Variants in PPM1H observed in about 807,000 individuals in gnomAD.
PPM1H encodes protein phosphatase, Mg2+/Mn2+ dependent 1H.
A neutral mutation model predicts 54.9 loss-of-function variants in PPM1H; 27 were observed. That is an observed-to-expected ratio of 0.49 (90% confidence interval 0.36 to 0.68). The LOEUF (loss-of-function observed/expected upper bound fraction) is 0.68. Ranked by LOEUF, PPM1H falls within the 30% of genes least tolerant of loss-of-function variation. PPM1H has a pLI of 0.00. For synonymous variants in PPM1H, 305 were observed against 270.8 expected, an observed-to-expected ratio of 1.13 and a Z score of -1.24; for missense variants, 596 against 667.8, an observed-to-expected ratio of 0.89 and a Z score of 1.19.
chr12:62,904,438 C>T (rs532400125), intron 1 of PPM1H, among the ~76,000 whole-genome samples: 14 of 152,178 alleles, frequency 9.2e-5, no homozygotes, highest in African/African-American at 2.9e-4. Flanking sequence ...TGGGCTTTCT[C>T]CATATTGCCC....
intron 1 of PPM1H, among the ~76,000 whole-genome samples, chr12:62,870,538 T>TTA (rs1869938614): frequency 6.6e-6 from 1 of 152,198 alleles, no homozygotes; most frequent in African/African-American, 2.4e-5. Context: ...ATTTGAAAGA[T>TTA]ACTAAAGAGA....
intron 8 of PPM1H, among the ~76,000 whole-genome samples, chr12:62,675,495 G>C (rs776453596): frequency 1.3e-5 from 2 of 152,178 alleles, no homozygotes. Flanking sequence ...GCAAAGATAA[G>C]CATCAGAAGA....
chr12:62,924,853 C>T (rs1019914050), intron 1 of PPM1H, among the ~76,000 whole-genome samples: 3 of 151,766 alleles, frequency 2.0e-5, no homozygotes, highest in Admixed American at 6.6e-5. Context: ...ACCAGCCTAG[C>T]CAACATGGCA....
chr12:62,888,833 A>G (rs113300380), intron 1 of PPM1H, among the ~76,000 whole-genome samples: 1 of 152,168 alleles, frequency 6.6e-6, no homozygotes, highest in East Asian at 1.9e-4. Flanking sequence ...CCATTTTACA[A>G]TTGAGAGGAT....
intron 4 of PPM1H, among the ~76,000 whole-genome samples, chr12:62,752,016 C>T (rs1257191716): frequency 6.6e-6 from 1 of 152,178 alleles, no homozygotes; most frequent in Non-Finnish European, 1.5e-5. Flanking sequence ...GCCCATCTCT[C>T]ATTCGTTGAA....
At position 62,933,124 on chromosome 12, in the gene PPM1H, A is replaced by G. The variant is rs376726276; in HGVS notation, c.245+1368T>C. 5.3e-5 allele frequency among the ~76,000 whole-genome samples: 8 copies of G among 152,042 alleles called. No homozygotes were observed. In the East Asian group the frequency reaches 1.4e-3, roughly 26 times the overall value. Reference sequence around the variant, plus strand: ...ACGTTCTCTTCCGTGCTCATCTTTTATGATGTGTTAATTTTTACTGTCTGA... The same window carrying G: ...ACGTTCTCTTCCGTGCTCATCTTTTGTGATGTGTTAATTTTTACTGTCTGA... On this transcript the variant is annotated intron_variant, in intron 1 of 9. Transcript: ENST00000228705.
rs775557829 is a variant in PPM1H at position 62,667,252 on chromosome 12, G to A, written c.1323C>T (p.Asp441=). Residue 441 remains aspartate (D), a synonymous_variant, in exon 9 of 10, where the codon GAC becomes GAT. Coordinates refer to ENST00000228705, the MANE Select transcript of PPM1H (RefSeq NM_020700.2). ...VLILATDGLW[D]VLSNEEVAEA... is the part of the protein sequence containing the mutation. Reference sequence around the variant, plus strand: ...CTGCTACTTCTTCATTTGATAAAACGTCCCAGAGTCCATCAGTGGCCAAGA... The same window carrying A: ...CTGCTACTTCTTCATTTGATAAAACATCCCAGAGTCCATCAGTGGCCAAGA... The A allele has an allele frequency of 2.6e-5, 41 of 1,598,606 alleles. No individual in the cohort carries two copies. The highest frequency in any genetic ancestry group is 3.2e-5 in the Non-Finnish European group (37 of 1,166,510).
intron 4 of PPM1H, among the ~76,000 whole-genome samples, chr12:62,775,862 C>G (rs2076607394): frequency 6.6e-6 from 1 of 152,204 alleles, no homozygotes; most frequent in South Asian, 2.1e-4. Context: ...TTAGTCTGTT[C>G]TCATGCTGCT....
At chr12:62,668,565 G>A (rs2075934468) in intron 8 of PPM1H, among the ~76,000 whole-genome samples, 1 of 152,138 alleles carries the variant, frequency 6.6e-6, no homozygotes, top group African/African-American at 2.4e-5. Context: ...TAGTAGAGAT[G>A]GGGTTTTACC....
chr12:62,776,912 C>G (rs2076614634), intron 4 of PPM1H, among the ~76,000 whole-genome samples: 1 of 152,322 alleles, frequency 6.6e-6, no homozygotes, highest in Non-Finnish European at 1.5e-5. Context: ...ACACCACACA[C>G]CAGTAAGGAC....
At chr12:62,800,325 GT>G (rs34021356) in intron 3 of PPM1H, among the ~76,000 whole-genome samples, 28,844 of 146,792 alleles carry the variant, frequency 0.2, 4,288 homozygotes, top group African/African-American at 0.43. Context: ...TAATCTCCAG[GT>G]TTTTTTTTTT....
rs7977170 is a variant in PPM1H at position 62,889,060 on chromosome 12, A to G, written c.245+45432T>C. On this transcript the variant is annotated intron_variant, in intron 1 of 9. Transcript: ENST00000228705. ...TCTTTAGAAACTGTGGCCCAAACTGATTAGAAACCAGGCCCAAGAGTTAGC... is the reference window on the plus strand; with the variant it reads ...TCTTTAGAAACTGTGGCCCAAACTGGTTAGAAACCAGGCCCAAGAGTTAGC... Among the ~76,000 whole-genome samples the G allele has an allele frequency of 6.8e-3, 1,042 of 152,290 alleles. 17 individuals are homozygous for G. Among genetic ancestry groups the G allele is most frequent in the African/African-American group, 0.023 (961 of 41,536 alleles).
intron 1 of PPM1H, among the ~76,000 whole-genome samples, chr12:62,907,737 A>G (rs1871342077): frequency 6.6e-6 from 1 of 152,108 alleles, no homozygotes; most frequent in African/African-American, 2.4e-5. Context: ...AACTCATCCT[A>G]AGTTTTCTAC....
At chr12:62,715,537 C>T (rs567621969) in intron 6 of PPM1H, among the ~76,000 whole-genome samples, 64 of 152,164 alleles carry the variant, frequency 4.2e-4, no homozygotes, top group Non-Finnish European at 6.6e-4. Flanking sequence ...ACAATTTGAG[C>T]CTGCCAAGCT....
chr12:62,776,787 T>C (rs915254774), intron 4 of PPM1H, among the ~76,000 whole-genome samples: 5 of 152,148 alleles, frequency 3.3e-5, no homozygotes, highest in African/African-American at 4.8e-5. Flanking sequence ...AGCTAAACCA[T>C]ATTTGGGCCT....
intron 1 of PPM1H, among the ~76,000 whole-genome samples, chr12:62,893,636 CG>C (rs536249166): frequency 1.3e-5 from 2 of 150,652 alleles, no homozygotes; most frequent in Admixed American, 6.6e-5. Context: ...TGTGTGTGTG[CG>C]GGGGGGAGGG....
chr12:62,659,718 C>G (rs996987878), intron 9 of PPM1H, among the ~76,000 whole-genome samples: 3 of 152,210 alleles, frequency 2.0e-5, no homozygotes, highest in African/African-American at 7.2e-5. Context: ...TTCCCTGCCT[C>G]TTTTTGTCCT....
chr12:62,893,775 C>T lies in PPM1H; in HGVS notation c.245+40717G>A, dbSNP rs148293564. Among the ~76,000 whole-genome samples, 471 of 152,252 alleles carry T rather than the reference C, an allele frequency of 3.1e-3. 3 individuals are homozygous for T. The highest frequency in any genetic ancestry group is 0.011 in the African/African-American group (449 of 41,540). On this transcript the variant is annotated intron_variant, in intron 1 of 9. Transcript: ENST00000228705. Reference sequence around the variant, plus strand: ...GTGCTAGGATTACAGGTGTGAACCACCACACCCCGCGTTCATTTAATCTGA... The same window carrying T: ...GTGCTAGGATTACAGGTGTGAACCATCACACCCCGCGTTCATTTAATCTGA...
intron 4 of PPM1H, among the ~76,000 whole-genome samples, chr12:62,758,273 A>G (rs141180863): frequency 1.7e-3 from 254 of 152,254 alleles, no homozygotes; most frequent in African/African-American, 4.8e-3. Context: ...AAGTCTTTGA[A>G]GGGTATTTAT....
Sources: gnomAD v4.1 joint callset for allele counts (sites outside exome capture counted in the v4.1 genomes callset) on GRCh38, gnomAD v4.1.1 for gene constraint, MANE v1.5 for transcripts, NCBI Gene and HGNC (gene_info 2026-07-23, HGNC 2026-07-21) for gene names.